USP37: variants seen among roughly 807,000 people sequenced by gnomAD.
The protein encoded by USP37 is ubiquitin specific peptidase 37.
A neutral mutation model predicts 124.0 loss-of-function variants in USP37; 27 were observed. That is an observed-to-expected ratio of 0.22 (90% confidence interval 0.16 to 0.30). The LOEUF is 0.30. USP37 is among the 10% of genes least tolerant of loss of function. The probability of loss-of-function intolerance (pLI) is 1.00; values close to 1 mark genes in which losing one functional copy is unlikely to be tolerated. For synonymous variants in USP37, 365 were observed against 388.0 expected (o/e 0.94, Z 0.70); for missense variants, 889 against 1,140.4 (o/e 0.78, Z 3.17).
At chr2:218,518,631 T>C (rs1169643504) in intron 10 of USP37, among the ~76,000 whole-genome samples, 1 of 152,202 alleles carries the variant, frequency 6.6e-6, no homozygotes, top group African/African-American at 2.4e-5. Flanking sequence ...ATTTTTATCA[T>C]GTTGCTCTTA....
intron 20 of USP37, among the ~76,000 whole-genome samples, chr2:218,469,254 A>T (rs1690538672): frequency 6.6e-6 from 1 of 152,174 alleles, no homozygotes; most frequent in Non-Finnish European, 1.5e-5. Context: ...CCTTTCTTCT[A>T]TTATTGGAGA....
chr2:218,519,284 T>G (rs1690463918), intron 10 of USP37, among the ~76,000 whole-genome samples: 1 of 152,232 alleles, frequency 6.6e-6, no homozygotes. Context: ...ATTATGTCAA[T>G]CATCTAGGAT....
chr2:218,473,893 T>A (rs1690823041), intron 20 of USP37, among the ~76,000 whole-genome samples: 1 of 152,206 alleles, frequency 6.6e-6, no homozygotes, highest in Non-Finnish European at 1.5e-5. Context: ...CAAACCTAGA[T>A]GGTATAGCTG....
intron 11 of USP37, among the ~76,000 whole-genome samples, chr2:218,508,239 C>T (rs1341253914): frequency 6.6e-6 from 1 of 150,698 alleles, no homozygotes; most frequent in Non-Finnish European, 1.5e-5. Flanking sequence ...GTCTCCATTA[C>T]CCTTTAGACC....
At chr2:218,533,237 CT>C (rs779179101) in intron 9 of USP37, among the ~76,000 whole-genome samples, 150 of 150,196 alleles carry the variant, frequency 1.0e-3, no homozygotes, top group African/African-American at 2.6e-3. Context: ...TTTAAAAAAA[CT>C]TTTTTTTTTC....
intron 10 of USP37, among the ~76,000 whole-genome samples, chr2:218,524,852 C>T (rs1271584739): frequency 1.3e-5 from 2 of 152,208 alleles, no homozygotes; most frequent in Non-Finnish European, 2.9e-5. Flanking sequence ...TCAGGTGATC[C>T]ACCCGCCTTG....
chr2:218,559,757 T>G (rs1348427684), intron 3 of USP37, among the ~76,000 whole-genome samples: 1 of 152,198 alleles, frequency 6.6e-6, no homozygotes, highest in Non-Finnish European at 1.5e-5. Context: ...ATCCCAGCAC[T>G]TTGGAAGGAT....
chr2:218,458,933 A>G (rs1466211773), intron 23 of USP37, among the ~76,000 whole-genome samples: 1 of 152,110 alleles, frequency 6.6e-6, no homozygotes, highest in African/African-American at 2.4e-5. Context: ...TAAAAACTAT[A>G]CTTACGACTT....
rs1420053115 is a variant in USP37 at position 218,488,351 on chromosome 2, G to T, written c.1543C>A (p.Pro515Thr). The stretch of plus-strand genomic sequence containing the variant: ...TCTTGAATTGAACGAGGAGGGAGTG[G>T]TTTTTTCCTACGAGGAAGGTCAATA... ...LSIDLPRRKK[P>T]LPPRSIQDSL... The change falls in exon 15 of 26, where the codon CCA (proline) becomes ACA (threonine). Residue 515 changes from proline (P) to threonine (T), a missense_variant. Pro to Thr is a conservative substitution (Grantham distance 38). Around this residue, in one of 3 missense-constraint regions of USP37, gnomAD observed 504 missense variants for 714.3 expected, o/e 0.71. Coordinates refer to ENST00000258399, the MANE Select transcript of USP37 (RefSeq NM_020935.3). The T allele has an allele frequency of 3.7e-6, 6 of 1,612,920 alleles. No individual in the cohort carries two copies. The South Asian group carries it at 5.5e-5, about 15-fold the overall frequency.
At chr2:218,510,603 ATT>A (rs1223363565) in intron 10 of USP37, among the ~76,000 whole-genome samples, 1 of 152,210 alleles carries the variant, frequency 6.6e-6, no homozygotes, top group African/African-American at 2.4e-5. Flanking sequence ...TTTTTGAGAT[ATT>A]GTGATTATTT....
chr2:218,516,599 T>C (rs1690298199), intron 10 of USP37, among the ~76,000 whole-genome samples: 1 of 152,120 alleles, frequency 6.6e-6, no homozygotes, highest in East Asian at 1.9e-4. Context: ...ATGCAGGGCT[T>C]AAAACCTAGA....
At chr2:218,481,197 T>G (rs767985701) in intron 17 of USP37, among the ~76,000 whole-genome samples, 2 of 152,218 alleles carry the variant, frequency 1.3e-5, no homozygotes, top group Non-Finnish European at 2.9e-5. Flanking sequence ...GCATACATGA[T>G]GAAGCAAAAA....
intron 24 of USP37, 64 bp downstream of exon 24, chr2:218,457,027 AT>A (rs1689738237): frequency 6.7e-7 from 1 of 1,492,520 alleles, no homozygotes; most frequent in Non-Finnish European, 9.3e-7. Flanking sequence ...GCAAAGAGCA[AT>A]ATAATAAAGA....
At chr2:218,475,980 G>A (rs1468288462) in intron 19 of USP37, among the ~76,000 whole-genome samples, 2 of 151,150 alleles carry the variant, frequency 1.3e-5, no homozygotes, top group African/African-American at 2.4e-5. Flanking sequence ...GGAGAATTTT[G>A]GACTTTCACA....
chr2:218,547,304 AG>A (rs1364032486), intron 6 of USP37, among the ~76,000 whole-genome samples: 2 of 152,180 alleles, frequency 1.3e-5, no homozygotes, highest in African/African-American at 2.4e-5. Flanking sequence ...AATCTAGCCT[AG>A]GCGACAGAGC....
intron 23 of USP37, among the ~76,000 whole-genome samples, chr2:218,458,616 C>T (rs1416663454): frequency 1.3e-5 from 2 of 151,894 alleles, no homozygotes; most frequent in African/African-American, 2.4e-5. Flanking sequence ...AAGGAAAATG[C>T]TATAAGCATA....
At chr2:218,533,430 T>C (rs1333708738) in intron 9 of USP37, among the ~76,000 whole-genome samples, 2 of 152,216 alleles carry the variant, frequency 1.3e-5, no homozygotes, top group Non-Finnish European at 2.9e-5. Flanking sequence ...TTAACACATT[T>C]AAAACATCTA....
chr2:218,509,143 T>TA (rs1258377662), intron 11 of USP37, among the ~76,000 whole-genome samples: 2 of 152,206 alleles, frequency 1.3e-5, no homozygotes, highest in African/African-American at 4.8e-5. Flanking sequence ...TATGCACACT[T>TA]ACATGGTTGA....
At chr2:218,552,138 T>C (rs952338210) in intron 5 of USP37, among the ~76,000 whole-genome samples, 1 of 152,152 alleles carries the variant, frequency 6.6e-6, no homozygotes, top group African/African-American at 2.4e-5. Context: ...ATTGATATGC[T>C]CCAATTTGGT....
Sources: allele counts gnomAD v4.1 joint callset (sites outside exome capture counted in the v4.1 genomes callset), GRCh38; gene constraint gnomAD v4.1.1; regional missense constraint gnomAD v4.1.1; transcripts MANE v1.5; gene names NCBI Gene and HGNC (gene_info 2026-07-23, HGNC 2026-07-21).